The following PRMT8 variants were observed in gnomAD, a reference collection of about 807,000 sequenced individuals.
PRMT8 encodes protein arginine methyltransferase 8, also known as protein arginine N-methyltransferase 8.
In PRMT8, 7 loss-of-function variants were observed where a neutral mutation model predicts 47.1. The observed-to-expected ratio is 0.15, with a 90% CI of 0.08 to 0.28. PRMT8 has a LOEUF of 0.28. Among genes scored for constraint, PRMT8 ranks in the 10% least tolerant of loss-of-function variants. PRMT8 has a pLI of 1.00. For missense variants in PRMT8, 237 were observed against 505.4 expected, an observed-to-expected ratio of 0.47 and a Z score of 5.09; for synonymous variants, 188 against 186.5, an observed-to-expected ratio of 1.01 and a Z score of -0.07.
intron 1 of PRMT8, among the ~76,000 whole-genome samples, chr12:3,442,575 C>G (rs1334083475): frequency 6.6e-6 from 1 of 152,168 alleles, no homozygotes; most frequent in Non-Finnish European, 1.5e-5. Flanking sequence ...AATGGGGTAC[C>G]AGGGCTTGGC....
intron 1 of PRMT8, among the ~76,000 whole-genome samples, chr12:3,413,559 G>A (rs1400613909): frequency 7.2e-5 from 11 of 152,166 alleles, no homozygotes; most frequent in African/African-American, 2.2e-4. Flanking sequence ...AACAGGCAAC[G>A]AGCTGTTATC....
At chr12:3,489,384 G>A (rs1865352112), upstream of PRMT8, among the ~76,000 whole-genome samples, 2 of 151,908 alleles carry the variant, frequency 1.3e-5, no homozygotes. Context: ...CGGACTGAAA[G>A]TCAGGAGGCT....
intron 1 of PRMT8, among the ~76,000 whole-genome samples, chr12:3,494,628 T>C (rs1865477333): frequency 6.6e-6 from 1 of 152,174 alleles, no homozygotes; most frequent in Non-Finnish European, 1.5e-5. Context: ...AAAGTGTTCG[T>C]TCAAAAGCTA....
At chr12:3,491,751 A>G in intron 1 of PRMT8, 51 bp downstream of exon 1, 2 of 1,546,062 alleles carry the variant, frequency 1.3e-6, no homozygotes, top group Non-Finnish European at 8.7e-7. Flanking sequence ...GCCCACCCGG[A>G]CCACCGCGCC....
chr12:3,462,191 G>C (rs1308811357), intron 1 of PRMT8, among the ~76,000 whole-genome samples: 1 of 151,988 alleles, frequency 6.6e-6, no homozygotes, highest in Non-Finnish European at 1.5e-5. Context: ...ATAACCTCCA[G>C]CTCCATCCAT....
chr12:3,507,758 C>CTTT (rs928102421), intron 1 of PRMT8, among the ~76,000 whole-genome samples: 6 of 132,728 alleles, frequency 4.5e-5, no homozygotes, highest in Admixed American at 7.6e-5. Context: ...TCTTCTCCTT[C>CTTT]TTTTTTTTTT....
In PRMT8 at chr12:3,564,090, C is replaced by T. The variant is rs1239457107; in HGVS notation, c.482-4616C>T. On this transcript the variant is annotated intron_variant, in intron 4 of 9. Transcript: ENST00000382622. The surrounding 1 kb of genome is among the most constrained non-coding windows in gnomAD (Gnocchi z 4.0). ...ATGCATACGCTGGAGGTGAGCCGGGCCCTCCGCAGGTGCAAGGCAGCCAGC... is the reference window on the plus strand; with the variant it reads ...ATGCATACGCTGGAGGTGAGCCGGGTCCTCCGCAGGTGCAAGGCAGCCAGC... Among the ~76,000 whole-genome samples the T allele has an allele frequency of 6.6e-6, 1 of 152,156 alleles. No individual in the cohort carries two copies. Among genetic ancestry groups the T allele is most frequent in the Admixed American group, 6.6e-5 (1 of 15,266 alleles).
intron 1 of PRMT8, among the ~76,000 whole-genome samples, chr12:3,391,289 A>T (rs1823563845): frequency 6.6e-6 from 1 of 152,236 alleles, no homozygotes; most frequent in South Asian, 2.1e-4. Flanking sequence ...CACAGTGCAT[A>T]CAACAGAATA....
At chr12:3,520,752 G>T (rs973879312) in intron 1 of PRMT8, among the ~76,000 whole-genome samples, 1 of 152,154 alleles carries the variant, frequency 6.6e-6, no homozygotes, top group East Asian at 1.9e-4. Flanking sequence ...TATGCTCTTA[G>T]CCAGGCCCTG....
At chr12:3,515,103 A>T (rs541805162) in intron 1 of PRMT8, among the ~76,000 whole-genome samples, 1 of 152,368 alleles carries the variant, frequency 6.6e-6, no homozygotes, top group African/African-American at 2.4e-5. Flanking sequence ...TAAGACACAA[A>T]TGGGTTCAGT....
chr12:3,434,093 CACA>C (rs1864711656), intron 1 of PRMT8, among the ~76,000 whole-genome samples: 1 of 152,282 alleles, frequency 6.6e-6, no homozygotes, highest in Admixed American at 6.5e-5. Context: ...GAGCCTTGGA[CACA>C]ACAATGAAAT....
At chr12:3,536,417 A>G (rs1239285180) in intron 1 of PRMT8, among the ~76,000 whole-genome samples, 1 of 152,206 alleles carries the variant, frequency 6.6e-6, no homozygotes, top group Non-Finnish European at 1.5e-5. Flanking sequence ...GACACTTCAT[A>G]AGCTGGCTGT....
At position 3,476,569 on chromosome 12, in the gene PRMT8, ATC is replaced by A. The variant is rs1417703932; in HGVS notation, c.49-64027_49-64026del. Among the ~76,000 whole-genome samples the A allele has an allele frequency of 3.3e-5, 5 of 152,122 alleles. No individual in the cohort carries two copies. In the East Asian group the frequency reaches 7.7e-4, roughly 24 times the overall value. On this transcript the variant is annotated intron_variant, in intron 1 of 9. Coordinates refer to the PRMT8 transcript ENST00000452611. ...AGCATGTGTTCCCTCTCCCTCTCCC[ATC>A]TCTCTCTCTTAGGATAGGAGTTTTG...
At chr12:3,383,406 C>G (rs1864109953) in intron 1 of PRMT8, among the ~76,000 whole-genome samples, 2 of 152,186 alleles carry the variant, frequency 1.3e-5, no homozygotes. Context: ...TATTTTGTAG[C>G]TTTCAGCATA....
rs1864407106 is a variant in PRMT8, at chr12:3,409,721, A to AGCT, written c.48+28280_48+28282dup. On this transcript the variant is annotated intron_variant, in intron 1 of 9. Coordinates refer to the PRMT8 transcript ENST00000452611. The surrounding 1 kb of genome is among the most constrained non-coding windows in gnomAD (Gnocchi z 4.4). Reference sequence around the variant, plus strand: ...TCAGCCCTGGAAGATGCAGCTGCTCAGCTCATCCAAGGCATTTATTTCCTG... The same window carrying AGCT: ...TCAGCCCTGGAAGATGCAGCTGCTCAGCTGCTCATCCAAGGCATTTATTTCCTG... Among the ~76,000 whole-genome samples the AGCT allele has an allele frequency of 6.6e-6, 1 of 152,122 alleles. No homozygotes were observed. Among genetic ancestry groups the AGCT allele is most frequent in the African/African-American group, 2.4e-5 (1 of 41,414 alleles).
intron 1 of PRMT8, among the ~76,000 whole-genome samples, chr12:3,477,064 T>G (rs1046765673): frequency 1.3e-5 from 2 of 152,194 alleles, no homozygotes; most frequent in South Asian, 2.1e-4. Flanking sequence ...GTGATGGGAA[T>G]GAGGAGAAGC....
At chr12:3,549,028 C>CT (rs1284719688) in intron 2 of PRMT8, among the ~76,000 whole-genome samples, 4 of 152,152 alleles carry the variant, frequency 2.6e-5, no homozygotes, top group Non-Finnish European at 5.9e-5. Flanking sequence ...ATCTCAAAAA[C>CT]TTTATGTTGC....
chr12:3,481,559 C>T (rs564521974), intron 1 of PRMT8, among the ~76,000 whole-genome samples: 5 of 152,286 alleles, frequency 3.3e-5, no homozygotes, highest in Admixed American at 2.6e-4. Flanking sequence ...TGCAGCAGCC[C>T]TGGCATAGCC....
chr12:3,441,016 A>G (rs1864795781), intron 1 of PRMT8, among the ~76,000 whole-genome samples: 1 of 152,182 alleles, frequency 6.6e-6, no homozygotes, highest in African/African-American at 2.4e-5. Flanking sequence ...CAGCTCTGAC[A>G]ATCATTATTA....
Sources: allele counts gnomAD v4.1 joint callset (sites outside exome capture counted in the v4.1 genomes callset), GRCh38; gene constraint gnomAD v4.1.1; non-coding constraint Gnocchi (gnomAD v3.1); transcripts MANE v1.5; gene names NCBI Gene and HGNC (gene_info 2026-07-23, HGNC 2026-07-21).